The following MTMR12 variants were observed in gnomAD, a reference collection of about 807,000 sequenced individuals.
The protein encoded by MTMR12 is myotubularin related protein 12.
A neutral mutation model predicts 96.7 loss-of-function variants in MTMR12; 33 were observed. The observed-to-expected ratio is 0.34, with a 90% CI of 0.26 to 0.46. MTMR12 has a LOEUF of 0.46. Among genes scored for constraint, MTMR12 ranks in the 20% least tolerant of loss-of-function variants. The pLI is 1.00. For missense variants in MTMR12, 721 were observed against 896.1 expected (o/e 0.80, Z 2.49); for synonymous variants, 298 against 327.2 (o/e 0.91, Z 0.96).
At chr5:32,258,487 C>A (rs550820643) in intron 7 of MTMR12, among the ~76,000 whole-genome samples, 1 of 152,302 alleles carries the variant, frequency 6.6e-6, no homozygotes, top group South Asian at 2.1e-4. Context: ...AGCTTAAAAG[C>A]TCTCCAGGTA....
chr5:32,260,146 T>A (rs1400429658), intron 7 of MTMR12, among the ~76,000 whole-genome samples: 3 of 150,838 alleles, frequency 2.0e-5, no homozygotes, highest in Non-Finnish European at 4.4e-5. Context: ...CAGGAGCCTG[T>A]GGGTAAGACC....
rs202005526 is a variant in MTMR12, at chr5:32,228,532, A to ATG, written c.*1244_*1245dup. The stretch of plus-strand genomic sequence containing the variant: ...ATTAAAAAAAATATATATCATATAT[A>ATG]TGATATATATATCATATATATGTGA... On this transcript the variant is annotated 3_prime_UTR_variant, in exon 16 of 16. Coordinates refer to ENST00000382142, the MANE Select transcript of MTMR12 (RefSeq NM_001040446.3). 9.2e-5 allele frequency: 13 copies of ATG among 140,900 alleles called. No individual in the cohort carries two copies. The highest frequency in any genetic ancestry group is 3.3e-4 in the African/African-American group (12 of 36,226). 8.7% of individuals were successfully genotyped at this position (140,900 alleles called of 1,614,324 possible).
intron 1 of MTMR12, among the ~76,000 whole-genome samples, chr5:32,305,144 A>G (rs1751306269): frequency 6.6e-6 from 1 of 152,140 alleles, no homozygotes. Context: ...GCTGGAATGC[A>G]GTGGCGCGAT....
chr5:32,239,388 T>C (rs1265825236), intron 12 of MTMR12, among the ~76,000 whole-genome samples: 3 of 152,228 alleles, frequency 2.0e-5, no homozygotes, highest in African/African-American at 7.2e-5. Context: ...CTAGTACAGG[T>C]TCTGGCATAC....
intron 7 of MTMR12, among the ~76,000 whole-genome samples, chr5:32,262,061 G>A (rs1229518936): frequency 6.6e-6 from 1 of 152,114 alleles, no homozygotes; most frequent in South Asian, 2.1e-4. Context: ...GACAGAGAGA[G>A]ACCCCATCTT....
At chr5:32,279,640 A>G (rs1015575269) in intron 1 of MTMR12, among the ~76,000 whole-genome samples, 1 of 152,240 alleles carries the variant, frequency 6.6e-6, no homozygotes, top group Non-Finnish European at 1.5e-5. Flanking sequence ...ACATTCAAGG[A>G]TCTGCCACAC....
chr5:32,266,820 C>G (rs1481438080), intron 6 of MTMR12, among the ~76,000 whole-genome samples: 1 of 152,104 alleles, frequency 6.6e-6, no homozygotes. Flanking sequence ...TGGCTCATAC[C>G]TGTAATCCCA....
chr5:32,268,998 TTTC>T (rs1469242474), intron 5 of MTMR12, among the ~76,000 whole-genome samples: 1 of 151,954 alleles, frequency 6.6e-6, no homozygotes, highest in East Asian at 1.9e-4. Context: ...TTTGTGAGGT[TTTC>T]TTTCTTTTTT....
At chr5:32,277,524 C>G (rs956486306) in intron 1 of MTMR12, among the ~76,000 whole-genome samples, 30 of 152,224 alleles carry the variant, frequency 2.0e-4, no homozygotes, top group African/African-American at 5.8e-4. Context: ...CATGGCAAAA[C>G]CCCGTCTCTA....
At chr5:32,255,283 CT>C (rs1749092883) in intron 8 of MTMR12, among the ~76,000 whole-genome samples, 1 of 152,186 alleles carries the variant, frequency 6.6e-6, no homozygotes, top group Admixed American at 6.5e-5. Flanking sequence ...TCTGTGAAAA[CT>C]AAGCAGCACT....
At chr5:32,269,803 T>A (rs527286982) in intron 5 of MTMR12, among the ~76,000 whole-genome samples, 1 of 152,372 alleles carries the variant, frequency 6.6e-6, no homozygotes, top group Non-Finnish European at 1.5e-5. Context: ...TTGAGGCCTT[T>A]AGGATCTTCT....
chr5:32,293,353 A>C (rs1561804253), intron 1 of MTMR12, among the ~76,000 whole-genome samples: 1 of 147,228 alleles, frequency 6.8e-6, no homozygotes, highest in Non-Finnish European at 1.5e-5. Flanking sequence ...TAAAGCAGGC[A>C]AAAAAAAGGT....
At position 32,235,562 on chromosome 5, in the gene MTMR12, G is replaced by A. The variant is rs75923351; in HGVS notation, c.1345-433C>T. ...AATTTTGTCAATGAAAAGTTACGGG[G>A]GGTGGGAGGGAACTTCTATTCCCCA... On this transcript the variant is annotated intron_variant, in intron 13 of 15. Coordinates refer to ENST00000382142, the MANE Select transcript of MTMR12 (RefSeq NM_001040446.3). Among the ~76,000 whole-genome samples, 448 of 152,172 alleles carry A rather than the reference G, an allele frequency of 2.9e-3. 3 individuals are homozygous for A. Among genetic ancestry groups the A allele is most frequent in the African/African-American group, 0.01 (435 of 41,508 alleles).
intron 1 of MTMR12, among the ~76,000 whole-genome samples, chr5:32,298,524 C>G (rs1183335348): frequency 3.3e-5 from 5 of 152,200 alleles, no homozygotes; most frequent in African/African-American, 1.2e-4. Context: ...TGAAACGACT[C>G]ACTGAAAAAG....
chr5:32,252,654 A>G (rs2066554019), intron 8 of MTMR12, among the ~76,000 whole-genome samples: 1 of 152,258 alleles, frequency 6.6e-6, no homozygotes, highest in Admixed American at 6.5e-5. Context: ...TTACCACATT[A>G]GAAATTAAAA....
chr5:32,264,830 T>G (rs1749530327), intron 6 of MTMR12, among the ~76,000 whole-genome samples: 2 of 152,104 alleles, frequency 1.3e-5, no homozygotes, highest in South Asian at 4.1e-4. Context: ...GATCATTTCC[T>G]CCATTTTACA....
intron 15 of MTMR12, among the ~76,000 whole-genome samples, chr5:32,232,259 AG>A (rs1748026518): frequency 6.6e-6 from 1 of 152,184 alleles, no homozygotes; most frequent in African/African-American, 2.4e-5. Context: ...CCAGGCCACC[AG>A]GCCGCTCAAC....
chr5:32,270,822 T>G lies in MTMR12; in HGVS notation c.484A>C (p.Lys162Gln). ...AAACACATGCAACTAGTTACCCTTT[T>G]GACTTCCTCTTCCTTTGTGTACCTC... ...CLRYTKEEEV[K>Q]RIVSGIIHHT... Residue 162 changes from lysine to glutamine, a missense_variant, in exon 5 of 16, where the codon AAA (lysine) becomes CAA (glutamine). Lys to Gln is a moderately conservative substitution (Grantham distance 53). Transcript: ENST00000382142. 1 of 1,607,602 alleles carries G rather than the reference T, an allele frequency of 6.2e-7. No individual in the cohort carries two copies. Among genetic ancestry groups the G allele is most frequent in the Non-Finnish European group, 8.5e-7 (1 of 1,177,988 alleles).
At chr5:32,252,799 T>A (rs1290282492) in intron 8 of MTMR12, among the ~76,000 whole-genome samples, 1 of 152,246 alleles carries the variant, frequency 6.6e-6, no homozygotes, top group African/African-American at 2.4e-5. Flanking sequence ...ATCTCTTAAA[T>A]ATCTGGTTTA....
Sources: gnomAD v4.1 joint callset for allele counts (sites outside exome capture counted in the v4.1 genomes callset) on GRCh38, gnomAD v4.1.1 for gene constraint, MANE v1.5 for transcripts, NCBI Gene and HGNC (gene_info 2026-07-23, HGNC 2026-07-21) for gene names.